IL6ST: variants seen among roughly 807,000 people sequenced by gnomAD.
IL6ST encodes the protein interleukin 6 cytokine family signal transducer.
IL6ST carries 24 observed loss-of-function variants against 91.3 expected under a neutral mutation model. The observed-to-expected ratio is 0.26, with a 90% CI of 0.19 to 0.37. IL6ST has a LOEUF of 0.37. Ranked by LOEUF, IL6ST falls within the 10% of genes least tolerant of loss-of-function variation. The pLI is 1.00. For missense variants in IL6ST, 914 were observed against 1,078.5 expected (o/e 0.85, Z 2.14); for synonymous variants, 351 against 373.6 (o/e 0.94, Z 0.70).
In IL6ST at chr5:55,935,359, CTA is replaced by C. The variant is rs1405133255; in HGVS notation, c.*5721_*5722del. The C allele has an allele frequency of 2.5e-5, 5 of 200,688 alleles. No individual in the cohort carries two copies. The highest frequency in any genetic ancestry group is 6.9e-5 in the African/African-American group (3 of 43,620). The allele number at this position is 200,688 out of a possible 1,614,324, so 12.4% of individuals were successfully genotyped here. On this transcript the variant is annotated 3_prime_UTR_variant, in exon 17 of 17. Transcript: ENST00000381298. Reference sequence around the variant, plus strand: ...TTTGAATGTCCACAGGTTTCTAAAACTAAGCTCTGGCTTCGTATCTGTTGAAA... The same window carrying C: ...TTTGAATGTCCACAGGTTTCTAAAACAGCTCTGGCTTCGTATCTGTTGAAA...
intron 5 of IL6ST, among the ~76,000 whole-genome samples, chr5:55,965,022 G>T (rs1299908261): frequency 6.6e-6 from 1 of 152,092 alleles, no homozygotes; most frequent in African/African-American, 2.4e-5. Flanking sequence ...ACTATTAATA[G>T]ATTTGACTTT....
Position 55,967,309 on chromosome 5 carries a change from C to CAAAAAAA in IL6ST, c.491+960_491+966dup, listed in dbSNP as rs60547666. The stretch of plus-strand genomic sequence containing the variant: ...TAGGTGACAGAGCAAGACTCCATCT[C>CAAAAAAA]AAAAAAAAAAAAAAAAAAAAAAAAA... On this transcript the variant is annotated intron_variant, in intron 5 of 16. Coordinates refer to ENST00000381298, the MANE Select transcript of IL6ST (RefSeq NM_002184.4). 7.3e-3 allele frequency among the ~76,000 whole-genome samples: 234 copies of CAAAAAAA among 31,910 alleles called. 12 individuals are homozygous for CAAAAAAA. Among genetic ancestry groups the CAAAAAAA allele is most frequent in the Admixed American group, 0.014 (23 of 1,650 alleles). The allele number at this position is 31,910 out of a possible 152,430, so 20.9% of individuals were successfully genotyped here. A position where few individuals can be genotyped will look rare whatever the true frequency, so the allele number is the denominator to read the frequency against.
In IL6ST at chr5:55,936,796, TACATGCTATACTCTAGAC is replaced by T. The variant is rs1039156025; in HGVS notation, c.*4268_*4285del. On this transcript the variant is annotated 3_prime_UTR_variant, in exon 17 of 17. Transcript: ENST00000381298. ...ATGCAATTCACTGCAAAGGTAAAAATACATGCTATACTCTAGACAAGCCTTCCAAATGAAGTTAGAGTA... is the reference window on the plus strand; with the variant it reads ...ATGCAATTCACTGCAAAGGTAAAAATAAGCCTTCCAAATGAAGTTAGAGTA... 1 of 192,268 alleles carries T rather than the reference TACATGCTATACTCTAGAC, an allele frequency of 5.2e-6. No homozygotes were observed. Among genetic ancestry groups the T allele is most frequent in the African/African-American group, 2.3e-5 (1 of 43,094 alleles). The allele number at this position is 192,268 out of a possible 1,614,324, so 11.9% of individuals were successfully genotyped here.
intron 2 of IL6ST, among the ~76,000 whole-genome samples, chr5:55,981,575 G>A (rs879449546): frequency 1.4e-4 from 21 of 152,098 alleles, no homozygotes; most frequent in South Asian, 4.1e-4. Context: ...CCTGGGAGGC[G>A]GAGGTTGCAG....
intron 3 of IL6ST, among the ~76,000 whole-genome samples, chr5:55,971,281 G>A (rs1207392718): frequency 1.3e-5 from 2 of 152,046 alleles, no homozygotes; most frequent in African/African-American, 4.8e-5. Flanking sequence ...TAACAATAGT[G>A]CACTGTATTG....
chr5:55,972,807 C>T (rs1397372531), intron 3 of IL6ST, among the ~76,000 whole-genome samples: 1 of 151,834 alleles, frequency 6.6e-6, no homozygotes, highest in Non-Finnish European at 1.5e-5. Context: ...GAGTTCTAGA[C>T]CAGCCTGACC....
Position 55,964,300 on chromosome 5 carries a change from C to T in IL6ST, c.504G>A (p.Lys168=), listed in dbSNP as rs760099157. 2.5e-6 allele frequency: 4 copies of T among 1,609,080 alleles called. No individual in the cohort carries two copies. Among genetic ancestry groups the T allele is most frequent in the South Asian group, 1.1e-5 (1 of 90,402 alleles). Residue 168 remains lysine (K), a synonymous_variant, in exon 6 of 17, where the codon AAG becomes AAA. Transcript: ENST00000381298. ...CACGTTTTGCTTTGCAATCAGCAAA[C>T]TTGTGTGTTGCCCTAAATACAAAAA... The part of the protein sequence containing the change: ...FTLKSEWATH[K]FADCKAKRDT...
chr5:55,949,602 GTTTATTT>G (rs1222441739), intron 14 of IL6ST, among the ~76,000 whole-genome samples: 2 of 152,046 alleles, frequency 1.3e-5, no homozygotes, highest in Non-Finnish European at 2.9e-5. Flanking sequence ...ACATTTTTAA[GTTTATTT>G]TTTAATTTTT....
chr5:55,978,156 G>A (rs1344993218), intron 2 of IL6ST: 1 of 152,170 alleles, frequency 6.6e-6, no homozygotes, highest in Non-Finnish European at 1.5e-5. Flanking sequence ...CAGAAGCAAA[G>A]GACTGTATTA....
chr5:55,980,412 T>C (rs1561199726), intron 2 of IL6ST, among the ~76,000 whole-genome samples: 3 of 152,016 alleles, frequency 2.0e-5, no homozygotes, highest in Non-Finnish European at 4.4e-5. Context: ...TAGCTGGGCG[T>C]GGTGGTGGGC....
intron 1 of IL6ST, among the ~76,000 whole-genome samples, chr5:55,990,994 G>GT (rs1754293680): frequency 6.6e-6 from 1 of 151,376 alleles, no homozygotes; most frequent in Non-Finnish European, 1.5e-5. Context: ...GCGGTGTTTG[G>GT]TTTTCTGTCC....
At chr5:55,968,950 T>C (rs923624791) in intron 4 of IL6ST, among the ~76,000 whole-genome samples, 3 of 152,160 alleles carry the variant, frequency 2.0e-5, no homozygotes, top group African/African-American at 7.2e-5. Flanking sequence ...TCCCAGCAGT[T>C]TGGGAGCCCG....
At chr5:55,957,451 C>T (rs1299806352) in intron 8 of IL6ST, among the ~76,000 whole-genome samples, 160 bp from the exon 9 acceptor site, 1 of 152,202 alleles carries the variant, frequency 6.6e-6, no homozygotes, top group African/African-American at 2.4e-5. Flanking sequence ...CACAAAACAC[C>T]TGGCTCTTCC....
chr5:55,964,102 G>T (rs192398121), intron 6 of IL6ST, 44 bp downstream of exon 6: 3 of 996,634 alleles, frequency 3.0e-6, no homozygotes, highest in East Asian at 2.8e-5. Context: ...ATTTGTAAAC[G>T]ACTACAGTGT....
chr5:55,940,204 AT>A lies in IL6ST; in HGVS notation c.*877del, dbSNP rs770646110. 3.4e-5 allele frequency: 7 copies of A among 207,688 alleles called. No individual in the cohort carries two copies. Among genetic ancestry groups the A allele is most frequent in the South Asian group, 3.8e-4 (2 of 5,284 alleles). The allele number at this position is 207,688 out of a possible 1,614,324, so 12.9% of individuals were successfully genotyped here. On this transcript the variant is annotated 3_prime_UTR_variant, in exon 17 of 17. Transcript: ENST00000381298. Reference sequence around the variant, plus strand: ...AACATGCCAATTTTTTAGATGCTTTATTGGTTTTTTTTCCCCTTTACTACTA... The same window carrying A: ...AACATGCCAATTTTTTAGATGCTTTATGGTTTTTTTTCCCCTTTACTACTA...
intron 1 of IL6ST, among the ~76,000 whole-genome samples, chr5:55,984,931 G>A (rs371650184): frequency 6.6e-6 from 1 of 152,226 alleles, no homozygotes; most frequent in South Asian, 2.1e-4. Flanking sequence ...GGTAAGTGAA[G>A]AGTGGAATGG....
At chr5:55,966,313 A>G (rs529205349) in intron 5 of IL6ST, among the ~76,000 whole-genome samples, 1 of 152,300 alleles carries the variant, frequency 6.6e-6, no homozygotes, top group Non-Finnish European at 1.5e-5. Context: ...AAAATAATCT[A>G]TGGTGAAGAA....
intron 15 of IL6ST, among the ~76,000 whole-genome samples, chr5:55,944,255 T>G (rs1392793763): frequency 6.6e-6 from 1 of 152,090 alleles, no homozygotes; most frequent in Non-Finnish European, 1.5e-5. Flanking sequence ...TAAAAAGAAC[T>G]AAAAGCATAA....
chr5:55,962,625 T>C (rs1015010729), intron 7 of IL6ST, among the ~76,000 whole-genome samples: 5 of 152,112 alleles, frequency 3.3e-5, no homozygotes, highest in African/African-American at 7.3e-5. Flanking sequence ...CACTGTAGAA[T>C]AGAGACAATA....
Sources: gnomAD v4.1 joint callset for allele counts (sites outside exome capture counted in the v4.1 genomes callset) on GRCh38, gnomAD v4.1.1 for gene constraint, MANE v1.5 for transcripts, NCBI Gene and HGNC (gene_info 2026-07-23, HGNC 2026-07-21) for gene names.